PLCL2: variants seen among roughly 807,000 people sequenced by gnomAD.
The protein encoded by PLCL2 is phospholipase C like 2, also known as inactive phospholipase C-like protein 2.
A neutral mutation model predicts 79.6 loss-of-function variants in PLCL2; 4 were observed. The observed-to-expected ratio is 0.05, with a 90% confidence interval of 0.02 to 0.11. The LOEUF (loss-of-function observed/expected upper bound fraction) is 0.11. PLCL2 is among the 10% of genes least tolerant of loss of function. The pLI, the probability that PLCL2 is intolerant of heterozygous loss-of-function variation, is 1.00. For missense variants in PLCL2, 895 were observed against 1,291.0 expected, an observed-to-expected ratio of 0.69 and a Z score of 4.70; for synonymous variants, 484 against 457.7, an observed-to-expected ratio of 1.06 and a Z score of -0.73.
Position 17,065,619 on chromosome 3 carries a change from C to T in PLCL2, c.3095-2337C>T, listed in dbSNP as rs148914966. Among the ~76,000 whole-genome samples the T allele has an allele frequency of 5.9e-5, 9 of 152,338 alleles. No individual in the cohort carries two copies. In the East Asian group the frequency reaches 1.3e-3, roughly 23 times the overall value. Reference sequence around the variant, plus strand: ...CCCCTAGCAGAATGAGGCTTCCATGCGGATACCTTGATGTTAGAAAAATCC... The same window carrying T: ...CCCCTAGCAGAATGAGGCTTCCATGTGGATACCTTGATGTTAGAAAAATCC... On this transcript the variant is annotated intron_variant, in intron 4 of 5. Transcript: ENST00000615277.
chr3:17,058,025 C>T (rs1341078387), intron 4 of PLCL2, among the ~76,000 whole-genome samples: 4 of 152,140 alleles, frequency 2.6e-5, no homozygotes, highest in African/African-American at 9.7e-5. Flanking sequence ...TAAGTGCAGC[C>T]TAGGTTGTAA....
chr3:17,051,097 A>G (rs1461021065), intron 4 of PLCL2, among the ~76,000 whole-genome samples: 4 of 150,888 alleles, frequency 2.7e-5, no homozygotes, highest in East Asian at 2.0e-4. Flanking sequence ...AATCAAAACA[A>G]TTGAACTTAA....
At chr3:16,981,039 G>A (rs2063990177) in intron 1 of PLCL2, among the ~76,000 whole-genome samples, 1 of 152,226 alleles carries the variant, frequency 6.6e-6, no homozygotes, top group Non-Finnish European at 1.5e-5. Context: ...GGCAAGCTGA[G>A]GCAAGAGAAT....
chr3:16,964,533 C>A (rs1274641624), intron 1 of PLCL2, among the ~76,000 whole-genome samples: 9 of 152,080 alleles, frequency 5.9e-5, no homozygotes, highest in Non-Finnish European at 1.0e-4. Context: ...GGGTATATAC[C>A]CAGTAATGGG....
chr3:17,019,460 G>A (rs942724802), intron 3 of PLCL2, among the ~76,000 whole-genome samples: 1 of 152,108 alleles, frequency 6.6e-6, no homozygotes, highest in Non-Finnish European at 1.5e-5. Context: ...CACCCAAGTG[G>A]TATCTCTGTC....
At chr3:16,965,543 T>TC (rs1454361757) in intron 1 of PLCL2, among the ~76,000 whole-genome samples, 1 of 151,904 alleles carries the variant, frequency 6.6e-6, no homozygotes, top group Non-Finnish European at 1.5e-5. Flanking sequence ...AGTAGTTTTT[T>TC]CCAATTCTGT....
At chr3:17,005,710 C>T (rs2064254273) in intron 1 of PLCL2, among the ~76,000 whole-genome samples, 1 of 152,104 alleles carries the variant, frequency 6.6e-6, no homozygotes, top group South Asian at 2.1e-4. Flanking sequence ...ACAAATGAAC[C>T]TTTGTTTCTT....
intron 1 of PLCL2, among the ~76,000 whole-genome samples, chr3:16,953,201 TA>T: frequency 6.6e-6 from 1 of 152,228 alleles, no homozygotes; most frequent in South Asian, 2.1e-4. Context: ...CCCATTTGTG[TA>T]AAAATGGGGT....
intron 1 of PLCL2, among the ~76,000 whole-genome samples, chr3:16,939,645 T>C (rs1400865456): frequency 6.6e-6 from 1 of 152,228 alleles, no homozygotes; most frequent in Non-Finnish European, 1.5e-5. Flanking sequence ...GAATAAAATT[T>C]ATAAAGATGG....
At chr3:16,942,138 TA>T (rs1308665337) in intron 1 of PLCL2, among the ~76,000 whole-genome samples, 1 of 152,198 alleles carries the variant, frequency 6.6e-6, no homozygotes, top group African/African-American at 2.4e-5. Context: ...CTAAGTGAGT[TA>T]ATAACTGTGG....
chr3:17,027,853 C>T (rs1313333650), intron 3 of PLCL2, among the ~76,000 whole-genome samples: 1 of 152,086 alleles, frequency 6.6e-6, no homozygotes, highest in Non-Finnish European at 1.5e-5. Flanking sequence ...GAGGTGGAAA[C>T]TAAAAGAGGA....
At chr3:16,961,801 A>G (rs1025909109) in intron 1 of PLCL2, among the ~76,000 whole-genome samples, 1 of 152,142 alleles carries the variant, frequency 6.6e-6, no homozygotes, top group African/African-American at 2.4e-5. Context: ...TGAAACCCCC[A>G]TGTAGGAATT....
chr3:17,023,304 G>C (rs150679028), intron 3 of PLCL2, among the ~76,000 whole-genome samples: 1 of 152,246 alleles, frequency 6.6e-6, no homozygotes, highest in East Asian at 1.9e-4. Flanking sequence ...CCACCTTAGG[G>C]GATAACACTC....
At chr3:16,894,633 G>GT in intron 1 of PLCL2, among the ~76,000 whole-genome samples, 1 of 152,192 alleles carries the variant, frequency 6.6e-6, no homozygotes, top group East Asian at 1.9e-4. Flanking sequence ...CTTTTTGATT[G>GT]TAACTATTGT....
rs1696169947 is a variant in PLCL2 at position 16,884,974 on chromosome 3, C to G, written c.-66C>G. 1.2e-5 allele frequency: 2 copies of G among 170,130 alleles called. No homozygotes were observed. The highest frequency in any genetic ancestry group is 6.4e-5 in the Admixed American group (1 of 15,732). 10.5% of individuals were successfully genotyped at this position (170,130 alleles called of 1,614,324 possible). A position where few individuals can be genotyped will look rare whatever the true frequency, so the allele number is the denominator to read the frequency against. On this transcript the variant is annotated 5_prime_UTR_variant, in exon 1 of 6. Transcript: ENST00000615277. This position sits in a 1 kb window ranked among gnomAD's most constrained non-coding sequence, Gnocchi z 9.3. ...GGAGGAGGGGCCGCGCGCGGCGGCC[C>G]GAGGCGGCGGCGGGGACGCGGGGAC...
intron 1 of PLCL2, among the ~76,000 whole-genome samples, chr3:16,955,144 G>T (rs1004873243): frequency 6.6e-6 from 1 of 152,186 alleles, no homozygotes; most frequent in Admixed American, 6.5e-5. Context: ...TTCTTCTAGG[G>T]TTTGTATGGT....
chr3:16,981,562 A>T (rs547639914), intron 1 of PLCL2, among the ~76,000 whole-genome samples: 148 of 152,306 alleles, frequency 9.7e-4, no homozygotes, highest in African/African-American at 3.4e-3. Flanking sequence ...CTTTGTGTAC[A>T]TATCTATAGG....
chr3:17,063,442 C>T (rs766008033), intron 4 of PLCL2, among the ~76,000 whole-genome samples: 16 of 150,184 alleles, frequency 1.1e-4, no homozygotes, highest in East Asian at 4.0e-4. Flanking sequence ...TCTTCCTAAT[C>T]GGATTTTCTT....
chr3:17,037,582 C>G (rs2064671348), intron 3 of PLCL2, among the ~76,000 whole-genome samples: 1 of 152,050 alleles, frequency 6.6e-6, no homozygotes, highest in South Asian at 2.1e-4. Context: ...CTGTGTTGAG[C>G]AGGACAGGCA....
Sources: gnomAD v4.1 joint callset for allele counts (sites outside exome capture counted in the v4.1 genomes callset) on GRCh38, gnomAD v4.1.1 for gene constraint, Gnocchi (gnomAD v3.1) non-coding constraint, MANE v1.5 for transcripts, NCBI Gene and HGNC (gene_info 2026-07-23, HGNC 2026-07-21) for gene names.